The following FBXL17 variants were observed in gnomAD, a reference collection of about 807,000 sequenced individuals.
FBXL17 encodes the protein F-box and leucine rich repeat protein 17.
FBXL17 carries 22 observed loss-of-function variants against 66.2 expected under a neutral mutation model. That is an observed-to-expected ratio of 0.33 (90% CI 0.24 to 0.47). The LOEUF (loss-of-function observed/expected upper bound fraction) is 0.47. Ranked by LOEUF, FBXL17 falls within the 20% of genes least tolerant of loss-of-function variation. FBXL17 has a pLI of 1.00. For synonymous variants in FBXL17, 474 were observed against 400.5 expected, an observed-to-expected ratio of 1.18 and a Z score of -2.19; for missense variants, 878 against 948.2, an observed-to-expected ratio of 0.93 and a Z score of 0.97.
intron 6 of FBXL17, among the ~76,000 whole-genome samples, chr5:108,173,708 A>C (rs895655863): frequency 5.9e-5 from 9 of 152,218 alleles, no homozygotes; most frequent in African/African-American, 2.2e-4. Context: ...GGAAAGAGCT[A>C]CTTGCTTGTT....
At chr5:107,947,363 TTTC>T (rs1751348272) in intron 7 of FBXL17, among the ~76,000 whole-genome samples, 1 of 152,120 alleles carries the variant, frequency 6.6e-6, no homozygotes, top group Non-Finnish European at 1.5e-5. Context: ...GGTGCCTGAG[TTTC>T]TTCTGAGTAT....
At position 108,380,792 on chromosome 5, in the gene FBXL17, A is replaced by C. The variant is rs1296136146; in HGVS notation, c.900T>G (p.Cys300Trp). The change falls in exon 1 of 9, where the codon TGT (cysteine) becomes TGG (tryptophan). Residue 300 changes from cysteine to tryptophan, a missense_variant. By Grantham distance (215) the Cys-to-Trp change is radical. Around this residue, in one of 4 missense-constraint regions of FBXL17, gnomAD observed 605 missense variants for 509.5 expected, o/e 1.19. Coordinates refer to ENST00000542267, the MANE Select transcript of FBXL17 (RefSeq NM_001163315.3). Reference protein sequence around the residue: ...QQQHECGDADCRESPENPCDC... With the variant: ...QQQHECGDADWRESPENPCDC... Reference sequence around the variant, plus strand: ...CGCAGGGGTTTTCGGGGGACTCCCGACAGTCCGCGTCGCCACATTCATGCT... The same window carrying C: ...CGCAGGGGTTTTCGGGGGACTCCCGCCAGTCCGCGTCGCCACATTCATGCT... The C allele has an allele frequency of 5.6e-6, 7 of 1,247,968 alleles. No individual in the cohort carries two copies. Among genetic ancestry groups the C allele is most frequent in the African/African-American group, 1.6e-5 (1 of 64,398 alleles). 77.3% of individuals were successfully genotyped at this position (1,247,968 alleles called of 1,614,324 possible).
At chr5:108,360,411 G>T (rs952554162) in intron 3 of FBXL17, among the ~76,000 whole-genome samples, 27 of 151,918 alleles carry the variant, frequency 1.8e-4, no homozygotes, top group African/African-American at 6.3e-4. Flanking sequence ...AATATTGTTA[G>T]CCCACAGCTT....
intron 6 of FBXL17, among the ~76,000 whole-genome samples, chr5:108,179,347 G>A (rs1220448461): frequency 6.6e-6 from 1 of 152,118 alleles, no homozygotes; most frequent in African/African-American, 2.4e-5. Flanking sequence ...GAGCCAAGGT[G>A]CTGTCAGTCT....
In FBXL17 at chr5:108,011,941, T is replaced by A. The variant is rs181698680; in HGVS notation, c.1822+8984A>T. Among the ~76,000 whole-genome samples the A allele has an allele frequency of 4.4e-3, 665 of 152,298 alleles. 2 individuals carry two copies. The highest frequency in any genetic ancestry group is 0.01 in the Middle Eastern group (3 of 294). On this transcript the variant is annotated intron_variant, in intron 7 of 8. Transcript: ENST00000542267. Reference sequence around the variant, plus strand: ...TCAAGAAAGCAATTGCTTACATTTCTAGGAATAGTAAAATTATGTATCTCT... The same window carrying A: ...TCAAGAAAGCAATTGCTTACATTTCAAGGAATAGTAAAATTATGTATCTCT...
At position 108,127,145 on chromosome 5, in the gene FBXL17, T is replaced by C. The variant is rs1000552495; in HGVS notation, c.1745+58972A>G. 7.2e-5 allele frequency among the ~76,000 whole-genome samples: 11 copies of C among 152,322 alleles called. No homozygotes were observed. The East Asian group carries it at 1.3e-3, about 19-fold the overall frequency. On this transcript the variant is annotated intron_variant, in intron 6 of 8. Coordinates refer to ENST00000542267, the MANE Select transcript of FBXL17 (RefSeq NM_001163315.3). Reference sequence around the variant, plus strand: ...AAGGAGAAAGATATGCACATGAAATTTTCTAAAGCCAGTTTTGTCTAAGAA... The same window carrying C: ...AAGGAGAAAGATATGCACATGAAATCTTCTAAAGCCAGTTTTGTCTAAGAA...
chr5:107,935,420 T>TGTGTGC (rs1444915450), intron 7 of FBXL17, among the ~76,000 whole-genome samples: 1 of 151,550 alleles, frequency 6.6e-6, no homozygotes, highest in Non-Finnish European at 1.5e-5. Flanking sequence ...TATGTGTGTG[T>TGTGTGC]GTGTGTGTGT....
intron 7 of FBXL17, among the ~76,000 whole-genome samples, chr5:107,987,684 A>C (rs1753073539): frequency 1.3e-5 from 2 of 152,198 alleles, no homozygotes; most frequent in South Asian, 4.1e-4. Context: ...GTTTATAATA[A>C]AGATATTCAA....
intron 7 of FBXL17, among the ~76,000 whole-genome samples, chr5:107,883,411 C>T (rs1351708036): frequency 1.3e-5 from 2 of 151,480 alleles, no homozygotes; most frequent in African/African-American, 4.9e-5. Context: ...CATATTGGGC[C>T]TGTGTTGGCT....
At chr5:108,226,351 T>C (rs1369655115) in intron 4 of FBXL17, among the ~76,000 whole-genome samples, 2 of 152,248 alleles carry the variant, frequency 1.3e-5, no homozygotes, top group Non-Finnish European at 2.9e-5. Flanking sequence ...TTTCCTTCTT[T>C]CCATGTCCTC....
At chr5:108,216,337 T>C (rs1274051581) in intron 5 of FBXL17, among the ~76,000 whole-genome samples, 5 of 152,144 alleles carry the variant, frequency 3.3e-5, no homozygotes, top group Admixed American at 2.6e-4. Flanking sequence ...TGCCTTTTCA[T>C]TATGTAGGTC....
At chr5:107,883,922 T>C (rs1748877785) in intron 7 of FBXL17, among the ~76,000 whole-genome samples, 1 of 152,052 alleles carries the variant, frequency 6.6e-6, no homozygotes, top group African/African-American at 2.4e-5. Context: ...CAAGGATAGG[T>C]ATGCTGGGCA....
intron 6 of FBXL17, among the ~76,000 whole-genome samples, chr5:108,140,810 C>T (rs1473320248): frequency 6.6e-6 from 1 of 152,034 alleles, no homozygotes; most frequent in Non-Finnish European, 1.5e-5. Context: ...CCCAATTACA[C>T]AAACAAGAAA....
intron 6 of FBXL17, among the ~76,000 whole-genome samples, chr5:108,152,458 G>C (rs1338151197): frequency 6.6e-6 from 1 of 151,974 alleles, no homozygotes; most frequent in Non-Finnish European, 1.5e-5. Flanking sequence ...AAATATGAGG[G>C]GATATACTGA....
intron 7 of FBXL17, among the ~76,000 whole-genome samples, chr5:107,987,294 GTT>G (rs5870291): frequency 0.3 from 44,160 of 148,548 alleles, 6,520 homozygotes; most frequent in East Asian, 0.36. Flanking sequence ...GCTATTGCTT[GTT>G]TTTTTTTTTT....
intron 6 of FBXL17, among the ~76,000 whole-genome samples, chr5:108,046,671 T>C (rs1580368752): frequency 6.6e-6 from 1 of 152,294 alleles, no homozygotes; most frequent in East Asian, 1.9e-4. Context: ...ACTGGTGGTG[T>C]CATTTGATCA....
At chr5:108,122,069 TTCTC>T (rs1750524384) in intron 6 of FBXL17, among the ~76,000 whole-genome samples, 1 of 152,112 alleles carries the variant, frequency 6.6e-6, no homozygotes, top group Non-Finnish European at 1.5e-5. Context: ...TGAAATAATA[TTCTC>T]TAAGTTATAA....
rs574323603 is a variant in FBXL17 at position 107,866,149 on chromosome 5, C to T, written c.1966-4289G>A. ...CTGTATTCAATTTCTTTTCCTCTTG[C>T]TGAAAACTATCAATGGCAACTCCTA... On this transcript the variant is annotated intron_variant, in intron 8 of 8. Transcript: ENST00000542267. 2.0e-5 allele frequency among the ~76,000 whole-genome samples: 3 copies of T among 151,784 alleles called. No individual in the cohort carries two copies. The South Asian group carries it at 6.2e-4, about 32-fold the overall frequency.
intron 4 of FBXL17, among the ~76,000 whole-genome samples, chr5:108,255,550 T>C (rs1756540192): frequency 1.3e-5 from 2 of 152,154 alleles, no homozygotes; most frequent in Admixed American, 1.3e-4. Flanking sequence ...TATGGAAATT[T>C]AACAGAATTC....
Sources: allele counts gnomAD v4.1 joint callset (sites outside exome capture counted in the v4.1 genomes callset), GRCh38; gene constraint gnomAD v4.1.1; regional missense constraint gnomAD v4.1.1; transcripts MANE v1.5; gene names NCBI Gene and HGNC (gene_info 2026-07-23, HGNC 2026-07-21).